PABPC4L: variants seen among roughly 807,000 people sequenced by gnomAD.
PABPC4L encodes the protein poly(A) binding protein cytoplasmic 4 like.
For missense variants in PABPC4L, 452 were observed against 451.4 expected (o/e 1.00, Z -0.01); for synonymous variants, 169 against 164.1 (o/e 1.03, Z -0.23).
chr4:134,029,056 A>G, the PABPC4L span, among the ~76,000 whole-genome samples: 1 of 152,144 alleles, frequency 6.6e-6, no homozygotes, highest in Non-Finnish European at 1.5e-5. Context: ...TTGTTGGCTT[A>G]TGTTCTTTGT....
At chr4:134,170,055 G>C in the PABPC4L span, among the ~76,000 whole-genome samples, 2 of 152,066 alleles carry the variant, frequency 1.3e-5, no homozygotes, top group Non-Finnish European at 2.9e-5. Context: ...CACTCAAGTA[G>C]ACCTGTGTCT....
the PABPC4L span, among the ~76,000 whole-genome samples, chr4:134,114,076 A>T: frequency 1.3e-5 from 2 of 151,662 alleles, no homozygotes; most frequent in African/African-American, 4.8e-5. Flanking sequence ...GATAAGTGGA[A>T]GCTATTTGAA....
chr4:134,185,043 T>C, the PABPC4L span, among the ~76,000 whole-genome samples: 4 of 152,074 alleles, frequency 2.6e-5, no homozygotes, highest in Non-Finnish European at 5.9e-5. Flanking sequence ...TGAGTTTTAA[T>C]AGTTCTTTCT....
the PABPC4L span, among the ~76,000 whole-genome samples, chr4:134,139,325 T>C: frequency 6.6e-6 from 1 of 151,940 alleles, no homozygotes. Context: ...CAAGTAAATA[T>C]GTACTGATTC....
At chr4:134,047,937 G>T in the PABPC4L span, among the ~76,000 whole-genome samples, 8 of 151,978 alleles carry the variant, frequency 5.3e-5, no homozygotes, top group Middle Eastern at 6.8e-3. Flanking sequence ...CTGCAAAATT[G>T]TTACATTAAT....
At chr4:134,108,813 A>T in the PABPC4L span, among the ~76,000 whole-genome samples, 1 of 151,852 alleles carries the variant, frequency 6.6e-6, no homozygotes, top group South Asian at 2.1e-4. Context: ...GACCATTTTG[A>T]CATGACCAGT....
chr4:134,179,182 C>T, the PABPC4L span, among the ~76,000 whole-genome samples: 11 of 152,032 alleles, frequency 7.2e-5, no homozygotes, highest in Admixed American at 3.3e-4. Flanking sequence ...GAAATCCCAT[C>T]GGGCAAACAG....
the PABPC4L span, among the ~76,000 whole-genome samples, chr4:134,018,477 C>T: frequency 6.6e-6 from 1 of 152,038 alleles, no homozygotes; most frequent in African/African-American, 2.4e-5. Context: ...AGCATAGTAC[C>T]CAACAGGTAC....
At chr4:134,003,794 C>T in the PABPC4L span, among the ~76,000 whole-genome samples, 14,073 of 151,694 alleles carry the variant, frequency 0.093, 802 homozygotes, top group Admixed American at 0.19. Context: ...GGAAGCAAAA[C>T]GCATGCAGAG....
the PABPC4L span, among the ~76,000 whole-genome samples, chr4:133,953,797 CT>C: frequency 1.3e-5 from 2 of 152,186 alleles, no homozygotes; most frequent in African/African-American, 4.8e-5. Context: ...CATGGCTGCC[CT>C]TCTAATCATT....
chr4:134,111,456 G>T, the PABPC4L span, among the ~76,000 whole-genome samples: 1 of 151,924 alleles, frequency 6.6e-6, no homozygotes, highest in African/African-American at 2.4e-5. Context: ...ACATGTGTAT[G>T]TAACTGTGAC....
chr4:134,002,923 G>A, the PABPC4L span, among the ~76,000 whole-genome samples: 1 of 151,844 alleles, frequency 6.6e-6, no homozygotes, highest in African/African-American at 2.4e-5. Flanking sequence ...GGAACATGAG[G>A]AGTCTATTGT....
chr4:134,073,988 G>A, the PABPC4L span, among the ~76,000 whole-genome samples: 2 of 152,162 alleles, frequency 1.3e-5, no homozygotes, highest in African/African-American at 4.8e-5. Flanking sequence ...GGTCTGCTGA[G>A]AAGTTCTCTG....
the PABPC4L span, among the ~76,000 whole-genome samples, chr4:134,186,477 C>T: frequency 6.6e-6 from 1 of 152,150 alleles, no homozygotes; most frequent in Non-Finnish European, 1.5e-5. Flanking sequence ...GCTGGGAAAA[C>T]TGGCTAGCCA....
the PABPC4L span, among the ~76,000 whole-genome samples, chr4:134,078,675 G>C: frequency 7.0e-6 from 1 of 143,460 alleles, no homozygotes; most frequent in Non-Finnish European, 1.5e-5. Flanking sequence ...TTTTCAGACG[G>C]AGTTTCACTC....
chr4:134,007,241 C>T, the PABPC4L span, among the ~76,000 whole-genome samples: 1 of 151,638 alleles, frequency 6.6e-6, no homozygotes, highest in Non-Finnish European at 1.5e-5. Flanking sequence ...TATATTTAGA[C>T]ATTCATTCTT....
chr4:134,114,557 A>G, the PABPC4L span, among the ~76,000 whole-genome samples: 8 of 151,780 alleles, frequency 5.3e-5, no homozygotes, highest in African/African-American at 1.9e-4. Context: ...CTTCCATCTT[A>G]GGAGATAAAT....
chr4:134,200,434 T>C lies in PABPC4L; in HGVS notation c.586A>G (p.Asn196Asp). 1.3e-6 allele frequency: 2 copies of C among 1,552,690 alleles called. No homozygotes were observed. Among genetic ancestry groups the C allele is most frequent in the Non-Finnish European group, 1.7e-6 (2 of 1,147,466 alleles). ...ASEFTNVYIK[N>D]FGGDMDDERL... is the part of the protein sequence containing the mutation. ...TCATCATCCATGTCACCTCCAAAGTTTTTTATGTAAACATTGGTGAATTCA... is the reference window on the plus strand; with the variant it reads ...TCATCATCCATGTCACCTCCAAAGTCTTTTATGTAAACATTGGTGAATTCA... The change falls in exon 2 of 2, where the codon AAC becomes GAC. Residue 196 changes from asparagine to aspartate, a missense_variant. Coordinates refer to ENST00000421491, the MANE Select transcript of PABPC4L (RefSeq NM_001114734.2).
At chr4:134,094,921 C>T in the PABPC4L span, among the ~76,000 whole-genome samples, 574 of 151,702 alleles carry the variant, frequency 3.8e-3, 2 homozygotes, top group African/African-American at 0.013. Flanking sequence ...ACAAAACTTG[C>T]TAACGTGTTT....
Sources: gnomAD v4.1 joint callset for allele counts (sites outside exome capture counted in the v4.1 genomes callset) on GRCh38, gnomAD v4.1.1 for gene constraint, MANE v1.5 for transcripts, NCBI Gene and HGNC (gene_info 2026-07-23, HGNC 2026-07-21) for gene names.